The following DACH2 variants were observed in gnomAD, a reference collection of about 807,000 sequenced individuals.
The protein encoded by DACH2 is dachshund family transcription factor 2, also known as dachshund homolog 2.
In DACH2, 17 loss-of-function variants were observed where a neutral mutation model predicts 35.8. That is an observed-to-expected ratio of 0.48 (90% CI 0.33 to 0.71). The LOEUF (loss-of-function observed/expected upper bound fraction) is 0.71. Among genes scored for constraint, DACH2 ranks in the 30% least tolerant of loss-of-function variants. The pLI, the probability that DACH2 is intolerant of heterozygous loss-of-function variation, is 0.02. For missense variants in DACH2, 469 were observed against 472.7 expected, an observed-to-expected ratio of 0.99 and a Z score of 0.07; for synonymous variants, 195 against 177.3, an observed-to-expected ratio of 1.10 and a Z score of -0.79.
chrX:86,186,200 T>C (rs374206753), intron 1 of DACH2, among the ~76,000 whole-genome samples: 7 of 112,576 alleles, frequency 6.2e-5, no homozygotes, highest in East Asian at 5.6e-4. Flanking sequence ...GGAAAGGATA[T>C]TTGAGATAAC....
chrX:86,217,890 GTAA>G (rs2032615982), intron 1 of DACH2, among the ~76,000 whole-genome samples: 1 of 111,790 alleles, frequency 8.9e-6, no homozygotes, highest in African/African-American at 3.2e-5. Flanking sequence ...CAAATGTAAT[GTAA>G]TGAAAACTTT....
At chrX:86,630,900 C>T (rs954427343) in intron 3 of DACH2, among the ~76,000 whole-genome samples, 2 of 111,420 alleles carry the variant, frequency 1.8e-5, no homozygotes, top group Non-Finnish European at 3.8e-5. Flanking sequence ...ATTGTGCATC[C>T]TCCAACTGTT....
chrX:86,511,078 G>A (rs2038389789), intron 2 of DACH2, among the ~76,000 whole-genome samples: 1 of 111,466 alleles, frequency 9.0e-6, no homozygotes, highest in African/African-American at 3.3e-5. Flanking sequence ...ATGTTTATTT[G>A]CCTTGATTAA....
chrX:86,803,664 T>C (rs988370973), intron 7 of DACH2, among the ~76,000 whole-genome samples: 7 of 110,709 alleles, frequency 6.3e-5, no homozygotes, highest in Admixed American at 1.9e-4. Context: ...CACATGATGG[T>C]GGCTATTCTA....
At chrX:86,717,139 T>C (rs1283538697) in intron 6 of DACH2, among the ~76,000 whole-genome samples, 3 of 112,001 alleles carry the variant, frequency 2.7e-5, no homozygotes, top group African/African-American at 9.7e-5. Context: ...GTCATATGCA[T>C]AGATTGCATG....
Position 86,630,249 on chromosome X carries a change from T to C in DACH2, c.641-20787T>C, listed in dbSNP as rs148364595. On this transcript the variant is annotated intron_variant, in intron 3 of 11. Transcript: ENST00000373125. ...TGGAGTACCTGGGTTTAAACCCCAA[T>C]TTCAAGATTTATTAGCTGTATGACA... 8.9e-3 allele frequency among the ~76,000 whole-genome samples: 987 copies of C among 110,538 alleles called. 14 individuals are homozygous for C. The highest frequency in any genetic ancestry group is 0.031 in the African/African-American group (937 of 30,385).
intron 3 of DACH2, among the ~76,000 whole-genome samples, chrX:86,645,494 A>T (rs184763528): frequency 1.8e-5 from 2 of 111,135 alleles, no homozygotes; most frequent in African/African-American, 3.3e-5. Flanking sequence ...CAGTATGGGG[A>T]TTCCTCAAAG....
chrX:86,456,829 C>T (rs1242703143), intron 2 of DACH2, among the ~76,000 whole-genome samples: 3 of 109,651 alleles, frequency 2.7e-5, no homozygotes, highest in Non-Finnish European at 5.7e-5. Flanking sequence ...TTTAAATTTA[C>T]TTTTGAAGGA....
At chrX:86,516,612 T>C (rs1477095137) in intron 3 of DACH2, among the ~76,000 whole-genome samples, 1 of 110,562 alleles carries the variant, frequency 9.0e-6, no homozygotes, top group African/African-American at 3.3e-5. Context: ...TTTTTAATTT[T>C]ATTTAGTTTA....
intron 1 of DACH2, among the ~76,000 whole-genome samples, chrX:86,337,290 T>G (rs945407492): frequency 5.4e-5 from 6 of 111,082 alleles, no homozygotes; most frequent in Admixed American, 2.9e-4. Flanking sequence ...TTCACCAAGG[T>G]TGAAATGAAG....
rs200042636 is a variant in DACH2 at position 86,268,490 on chromosome X, ATTTATTTTATTTTATTTTATTTTAT to A, written c.489-108296_489-108272del. On this transcript the variant is annotated intron_variant, in intron 1 of 11. Coordinates refer to ENST00000373125, the MANE Select transcript of DACH2 (RefSeq NM_053281.3). ...AAAATTTTTTTCATTCATTTAAAAC[ATTTATTTTATTTTATTTTATTTTAT>A]TTTATTTTATTTTATTTTATTTTAT... Among the ~76,000 whole-genome samples, 109 of 77,183 alleles carry A rather than the reference ATTTATTTTATTTTATTTTATTTTAT, an allele frequency of 1.4e-3. 2 individuals are homozygous for A. The highest frequency in any genetic ancestry group is 4.5e-3 in the East Asian group (11 of 2,465). 67.0% of individuals were successfully genotyped at this position (77,183 alleles called of 115,157 possible).
chrX:86,701,352 G>A (rs2041140033), intron 5 of DACH2, among the ~76,000 whole-genome samples: 1 of 111,397 alleles, frequency 9.0e-6, no homozygotes, highest in Non-Finnish European at 1.9e-5. Context: ...GGCATTGAAG[G>A]AGCTACCGCA....
intron 2 of DACH2, among the ~76,000 whole-genome samples, chrX:86,497,993 C>CA (rs1169631372): frequency 1.1e-3 from 109 of 100,549 alleles, no homozygotes; most frequent in South Asian, 7.7e-3. Context: ...GACTGTCTTT[C>CA]AAAAAAAAAA....
At chrX:86,363,369 G>T (rs1364351425) in intron 1 of DACH2, among the ~76,000 whole-genome samples, 1 of 110,901 alleles carries the variant, frequency 9.0e-6, no homozygotes, top group Non-Finnish European at 1.9e-5. Flanking sequence ...TTTCCCGTCT[G>T]GTAATGATCC....
chrX:86,732,702 G>A (rs891239418), intron 6 of DACH2, among the ~76,000 whole-genome samples: 5 of 112,110 alleles, frequency 4.5e-5, no homozygotes, highest in African/African-American at 1.6e-4. Flanking sequence ...CACATTTAGA[G>A]CAATGTTTGG....
intron 1 of DACH2, among the ~76,000 whole-genome samples, chrX:86,331,067 A>G (rs775618730): frequency 8.9e-6 from 1 of 111,953 alleles, no homozygotes; most frequent in Non-Finnish European, 1.9e-5. Flanking sequence ...TTATGATTCA[A>G]ACCAGTTGGA....
At chrX:86,668,365 G>A (rs1230482715) in intron 4 of DACH2, among the ~76,000 whole-genome samples, 1 of 111,896 alleles carries the variant, frequency 8.9e-6, no homozygotes, top group Non-Finnish European at 1.9e-5. Flanking sequence ...CCTAAGCTAC[G>A]TAAAATAAAG....
At chrX:86,320,783 C>A (rs764469715) in intron 1 of DACH2, among the ~76,000 whole-genome samples, 2 of 111,920 alleles carry the variant, frequency 1.8e-5, no homozygotes, top group Non-Finnish European at 3.8e-5. Context: ...CATTTCCTTC[C>A]TTTTTGACAG....
At chrX:86,222,813 G>A (rs993763190) in intron 1 of DACH2, among the ~76,000 whole-genome samples, 5 of 110,868 alleles carry the variant, frequency 4.5e-5, no homozygotes, top group African/African-American at 1.6e-4. Flanking sequence ...GAGAGCTTGG[G>A]AAGGAGGGGA....
Sources: gnomAD v4.1 joint callset for allele counts (sites outside exome capture counted in the v4.1 genomes callset) on GRCh38, gnomAD v4.1.1 for gene constraint, MANE v1.5 for transcripts, NCBI Gene and HGNC (gene_info 2026-07-23, HGNC 2026-07-21) for gene names.